The following SIK3 variants were observed in gnomAD, a reference collection of about 807,000 sequenced individuals.
The protein encoded by SIK3 is SIK family kinase 3, also known as serine/threonine-protein kinase SIK3.
In SIK3, 28 loss-of-function variants were observed where a neutral mutation model predicts 144.2. The observed-to-expected ratio is 0.19, with a 90% CI of 0.14 to 0.27. The LOEUF is 0.27. SIK3 is among the 10% of genes least tolerant of loss of function. SIK3 has a pLI of 1.00. For missense variants in SIK3, 1,319 were observed against 1,776.0 expected, an observed-to-expected ratio of 0.74 and a Z score of 4.62; for synonymous variants, 686 against 676.3, an observed-to-expected ratio of 1.01 and a Z score of -0.22.
At chr11:117,015,729 CCA>C (rs1951495033) in intron 1 of SIK3, among the ~76,000 whole-genome samples, 2 of 152,072 alleles carry the variant, frequency 1.3e-5, no homozygotes, top group Non-Finnish European at 2.9e-5. Flanking sequence ...GCCACCATGC[CCA>C]GCTAATTTTG....
intron 1 of SIK3, among the ~76,000 whole-genome samples, chr11:117,065,369 TATTAGAATA>T (rs1413449993): frequency 6.6e-6 from 1 of 151,808 alleles, no homozygotes; most frequent in Non-Finnish European, 1.5e-5. Flanking sequence ...TCCATTAGTC[TATTAGAATA>T]ATCACAGTAA....
At chr11:116,893,780 T>C (rs994525478) in intron 6 of SIK3, 5 of 153,082 alleles carry the variant, frequency 3.3e-5, no homozygotes, top group Admixed American at 1.3e-4. Context: ...GGATATGCAG[T>C]TGATCAATAA....
chr11:116,872,950 A>T (rs939317462), intron 13 of SIK3, among the ~76,000 whole-genome samples: 5 of 152,268 alleles, frequency 3.3e-5, no homozygotes, highest in Non-Finnish European at 7.3e-5. Flanking sequence ...TCTGAATGTG[A>T]CTATCATATG....
intron 14 of SIK3, 87 bp from the exon 15 acceptor site, chr11:116,868,176 C>G (rs1565384719): frequency 1.3e-6 from 2 of 1,512,080 alleles, no homozygotes; most frequent in Non-Finnish European, 1.8e-6. Flanking sequence ...ATCCAAAGCA[C>G]TCAATGAAAT....
chr11:116,931,824 C>T (rs1245181454), intron 3 of SIK3, among the ~76,000 whole-genome samples: 2 of 152,160 alleles, frequency 1.3e-5, no homozygotes, highest in East Asian at 1.9e-4. Context: ...AACTCAGCTC[C>T]CCCTAAGCAG....
intron 1 of SIK3, among the ~76,000 whole-genome samples, chr11:116,963,822 T>C (rs1024235677): frequency 2.0e-5 from 3 of 152,204 alleles, no homozygotes; most frequent in Admixed American, 2.0e-4. Flanking sequence ...GGAACTTAAG[T>C]ACCTTTGGAA....
rs75605075 is a variant in SIK3 at position 117,030,628 on chromosome 11, T to G, written c.273+67515A>C. Among the ~76,000 whole-genome samples, 1,042 of 152,276 alleles carry G rather than the reference T, an allele frequency of 6.8e-3. 19 individuals carry two copies. Among genetic ancestry groups the G allele is most frequent in the African/African-American group, 0.023 (961 of 41,532 alleles). ...CATGTGGTTTTTTTCTGCTTTAGCC[T>G]TTTTTCCTGCATTTACTGAATTTAA... On this transcript the variant is annotated intron_variant, in intron 1 of 24. Transcript: ENST00000445177.
intron 3 of SIK3, 30 bp downstream of exon 3, chr11:116,954,014 C>T (rs1030110018): frequency 6.3e-7 from 1 of 1,589,048 alleles, no homozygotes; most frequent in Middle Eastern, 1.7e-4. Flanking sequence ...TGCTCAATAG[C>T]TGTTTAAAGA....
chr11:116,987,670 A>G (rs1300225261), intron 1 of SIK3, among the ~76,000 whole-genome samples: 1 of 152,218 alleles, frequency 6.6e-6, no homozygotes, highest in East Asian at 1.9e-4. Context: ...AAGACCATCT[A>G]TTTTTAGGAG....
chr11:116,956,648 T>A (rs1949149990), intron 2 of SIK3, among the ~76,000 whole-genome samples: 1 of 152,192 alleles, frequency 6.6e-6, no homozygotes, highest in Non-Finnish European at 1.5e-5. Context: ...CTAAATAAAA[T>A]AAATTCTCAT....
chr11:116,996,910 C>T (rs1165031215), intron 1 of SIK3, among the ~76,000 whole-genome samples: 1 of 148,632 alleles, frequency 6.7e-6, no homozygotes, highest in Non-Finnish European at 1.5e-5. Context: ...TCTAGCTATT[C>T]TCAATTAAGT....
intron 4 of SIK3, among the ~76,000 whole-genome samples, chr11:116,911,262 C>G (rs945133790): frequency 3.9e-5 from 6 of 152,176 alleles, no homozygotes; most frequent in African/African-American, 1.4e-4. Context: ...AATCCCAGCA[C>G]TTTGGGAGGC....
chr11:116,954,115 A>AAAGGC lies in SIK3; in HGVS notation c.391-13_391-9dup. The AAAGGC allele has an allele frequency of 6.2e-7, 1 of 1,613,500 alleles. No individual in the cohort carries two copies. Among genetic ancestry groups the AAAGGC allele is most frequent in the Non-Finnish European group, 8.5e-7 (1 of 1,179,580 alleles). Reference sequence around the variant, plus strand: ...CCGTTCTGTCTCCATAACCTGGTGCAAAGGCAGGAAAGTGACAGACAGTGA... The same window carrying AAAGGC: ...CCGTTCTGTCTCCATAACCTGGTGCAAAGGCAAGGCAGGAAAGTGACAGACAGTGA... On this transcript the variant is annotated splice_polypyrimidine_tract_variant and intron_variant, in intron 2 of 24. Transcript: ENST00000445177.
At chr11:117,084,775 G>A (rs1295501248) in intron 1 of SIK3, among the ~76,000 whole-genome samples, 1 of 152,098 alleles carries the variant, frequency 6.6e-6, no homozygotes, top group Non-Finnish European at 1.5e-5. Context: ...GAGTATAAAA[G>A]ACTGGGAAGG....
At chr11:117,060,623 T>C (rs1341470310) in intron 1 of SIK3, among the ~76,000 whole-genome samples, 1 of 151,332 alleles carries the variant, frequency 6.6e-6, no homozygotes, top group Non-Finnish European at 1.5e-5. Context: ...AATCAGTGAT[T>C]GCCAGGGACT....
intron 1 of SIK3, among the ~76,000 whole-genome samples, chr11:116,962,453 A>G (rs193053667): frequency 6.6e-6 from 1 of 152,142 alleles, no homozygotes; most frequent in Middle Eastern, 3.2e-3. Flanking sequence ...AGAAAAGCTT[A>G]TTTTTTTAAA....
intron 1 of SIK3, among the ~76,000 whole-genome samples, chr11:117,013,967 C>CTTTTTTTTTTTTTT (rs1951406146): frequency 2.4e-3 from 18 of 7,358 alleles, no homozygotes; most frequent in Non-Finnish European, 4.3e-3. Context: ...TTCTTTTTTT[C>CTTTTTTTTTTTTTT]TTTTCTTTTT....
chr11:117,064,310 C>T (rs1445326257), intron 1 of SIK3, among the ~76,000 whole-genome samples: 1 of 152,164 alleles, frequency 6.6e-6, no homozygotes, highest in East Asian at 1.9e-4. Flanking sequence ...TTCCTATACC[C>T]CTACAACTTT....
chr11:117,054,678 AT>A (rs1369351757), intron 1 of SIK3, among the ~76,000 whole-genome samples: 2 of 152,168 alleles, frequency 1.3e-5, no homozygotes, highest in Non-Finnish European at 1.5e-5. Flanking sequence ...CACACCTGTA[AT>A]CCCAGCACTT....
Sources: gnomAD v4.1 joint callset for allele counts (sites outside exome capture counted in the v4.1 genomes callset) on GRCh38, gnomAD v4.1.1 for gene constraint, MANE v1.5 for transcripts, NCBI Gene and HGNC (gene_info 2026-07-23, HGNC 2026-07-21) for gene names.